The following EYS variants were observed in gnomAD, a reference collection of about 807,000 sequenced individuals.
EYS encodes the protein protein eyes shut homolog.
In EYS, 250 loss-of-function variants were observed where a neutral mutation model predicts 282.1. The observed-to-expected ratio is 0.89, with a 90% CI of 0.80 to 0.98. EYS has a LOEUF of 0.98. Among genes scored for constraint, EYS ranks in the 50% least tolerant of loss-of-function variants. The probability of loss-of-function intolerance (pLI) is 0.00; values close to 1 mark genes in which losing one functional copy is unlikely to be tolerated. For synonymous variants in EYS, 1,355 were observed against 1,282.9 expected (o/e 1.06, Z -1.20); for missense variants, 4,016 against 3,709.0 (o/e 1.08, Z -2.15).
At chr6:64,655,311 T>C (rs879332088) in intron 22 of EYS, among the ~76,000 whole-genome samples, 8 of 151,440 alleles carry the variant, frequency 5.3e-5, no homozygotes, top group East Asian at 1.9e-4. Context: ...TTTGATAAAA[T>C]AAGTAGGTTT....
chr6:65,329,892 T>G, intron 11 of EYS: 4 of 980,634 alleles, frequency 4.1e-6, no homozygotes, highest in Non-Finnish European at 4.8e-6. Context: ...TTATGGACTT[T>G]TAGATTCTAC....
intron 8 of EYS, among the ~76,000 whole-genome samples, chr6:65,383,623 C>A (rs1170433645): frequency 6.6e-6 from 1 of 150,610 alleles, no homozygotes; most frequent in Non-Finnish European, 1.5e-5. Context: ...ATTGGAAGTT[C>A]CCTTTGTACT....
At chr6:65,160,481 T>A (rs1197214548) in intron 12 of EYS, among the ~76,000 whole-genome samples, 1 of 150,894 alleles carries the variant, frequency 6.6e-6, no homozygotes, top group African/African-American at 2.4e-5. Flanking sequence ...AATATACTGA[T>A]AACCTTCAAA....
Position 65,108,960 on chromosome 6 carries a change from A to T in EYS, c.2024-51233T>A, listed in dbSNP as rs1775125927. Among the ~76,000 whole-genome samples, 3 of 151,960 alleles carry T rather than the reference A, an allele frequency of 2.0e-5. No individual in the cohort carries two copies. The South Asian group carries it at 6.2e-4, about 32-fold the overall frequency. ...AAGTTCACTTTCTTTCTACTCTGCC[A>T]TGTGCATTAAGCTCTTAAGTCCACC... On this transcript the variant is annotated intron_variant, in intron 12 of 42. Coordinates refer to ENST00000503581, the MANE Select transcript of EYS (RefSeq NM_001142800.2).
chr6:64,920,052 T>C (rs1259808807), intron 15 of EYS, among the ~76,000 whole-genome samples: 2 of 152,032 alleles, frequency 1.3e-5, no homozygotes, highest in Non-Finnish European at 2.9e-5. Context: ...TACAGTGAGA[T>C]GCCATATAGT....
intron 31 of EYS, among the ~76,000 whole-genome samples, chr6:64,138,243 AAAAG>A (rs1774228979): frequency 6.6e-6 from 1 of 152,190 alleles, no homozygotes; most frequent in Admixed American, 6.5e-5. Context: ...TAGAAAAAGA[AAAAG>A]AGGAATGGCT....
intron 35 of EYS, among the ~76,000 whole-genome samples, chr6:63,913,828 G>A (rs1365615684): frequency 6.6e-5 from 10 of 152,020 alleles, no homozygotes; most frequent in Non-Finnish European, 1.3e-4. Flanking sequence ...TTGTTTTATC[G>A]TGCATTGCAG....
chr6:64,547,495 G>C (rs552851867), intron 26 of EYS, among the ~76,000 whole-genome samples: 2 of 152,312 alleles, frequency 1.3e-5, no homozygotes, highest in African/African-American at 4.8e-5. Context: ...TAGATACAGA[G>C]TGTCGATTGG....
intron 8 of EYS, among the ~76,000 whole-genome samples, chr6:65,359,138 C>G (rs1000354394): frequency 2.2e-4 from 34 of 151,892 alleles, no homozygotes; most frequent in African/African-American, 7.7e-4. Flanking sequence ...GAAATTAAGA[C>G]AAAGATGAAA....
intron 13 of EYS, among the ~76,000 whole-genome samples, chr6:65,003,828 G>A (rs764444879): frequency 6.8e-6 from 1 of 147,322 alleles, no homozygotes; most frequent in Admixed American, 6.8e-5. Flanking sequence ...AAATAAGATA[G>A]TTTTTTGCAA....
chr6:64,213,054 A>G (rs1765827433), intron 31 of EYS, among the ~76,000 whole-genome samples: 1 of 152,148 alleles, frequency 6.6e-6, no homozygotes, highest in Non-Finnish European at 1.5e-5. Context: ...GTGGGGATAC[A>G]TAGAGGGGAA....
At chr6:65,538,158 T>C (rs1768028091) in intron 2 of EYS, among the ~76,000 whole-genome samples, 1 of 152,150 alleles carries the variant, frequency 6.6e-6, no homozygotes, top group African/African-American at 2.4e-5. Flanking sequence ...GGTGGACAAT[T>C]ATTACAATCC....
At chr6:65,598,607 G>T (rs962940002) in intron 2 of EYS, among the ~76,000 whole-genome samples, 83 of 151,980 alleles carry the variant, frequency 5.5e-4, no homozygotes, top group African/African-American at 1.8e-3. Flanking sequence ...TTATTTCAGA[G>T]AAATTTTAAA....
rs528523681 is a variant in EYS at position 64,577,409 on chromosome 6, C to T, written c.5644+12814G>A. Among the ~76,000 whole-genome samples the T allele has an allele frequency of 2.0e-5, 3 of 152,098 alleles. No homozygotes were observed. In the South Asian group the frequency reaches 6.2e-4, roughly 32 times the overall value. On this transcript the variant is annotated intron_variant, in intron 26 of 42. Transcript: ENST00000503581. ...GTTCTGTATTTTCTAATCATTACCT[C>T]TGCTCTCTCTCTCAATCGTTCAAAT...
At chr6:65,284,363 G>T (rs1383436993) in intron 12 of EYS, among the ~76,000 whole-genome samples, 1 of 151,966 alleles carries the variant, frequency 6.6e-6, no homozygotes, top group Non-Finnish European at 1.5e-5. Flanking sequence ...TATGAAAAAA[G>T]CTACTACTTT....
At chr6:64,866,205 T>C (rs1306822987) in intron 19 of EYS, among the ~76,000 whole-genome samples, 2 of 151,910 alleles carry the variant, frequency 1.3e-5, no homozygotes, top group East Asian at 1.9e-4. Context: ...GTTAAATCTT[T>C]ATCATGATTA....
At chr6:64,080,917 T>G (rs906107637) in intron 32 of EYS, among the ~76,000 whole-genome samples, 4 of 152,064 alleles carry the variant, frequency 2.6e-5, no homozygotes, top group Non-Finnish European at 4.4e-5. Context: ...TTGGTCTATA[T>G]CTCTGTTTTG....
chr6:64,448,166 T>C (rs925176354), intron 26 of EYS, among the ~76,000 whole-genome samples: 3 of 152,186 alleles, frequency 2.0e-5, no homozygotes, highest in African/African-American at 7.2e-5. Context: ...CCTAATACTG[T>C]GCTTTTCCAA....
At chr6:65,555,828 A>T (rs1768777981) in intron 2 of EYS, among the ~76,000 whole-genome samples, 1 of 152,242 alleles carries the variant, frequency 6.6e-6, no homozygotes, top group Admixed American at 6.5e-5. Flanking sequence ...AAGTATAAAA[A>T]ATGCAGATTT....
Sources: allele counts gnomAD v4.1 joint callset (sites outside exome capture counted in the v4.1 genomes callset), GRCh38; gene constraint gnomAD v4.1.1; transcripts MANE v1.5; gene names NCBI Gene and HGNC (gene_info 2026-07-23, HGNC 2026-07-21).